TENM2: variants seen among roughly 807,000 people sequenced by gnomAD.
TENM2 encodes teneurin-2.
A neutral mutation model predicts 245.2 loss-of-function variants in TENM2; 52 were observed. That is an observed-to-expected ratio of 0.21 (90% CI 0.17 to 0.27). TENM2 has a LOEUF of 0.27. Among genes scored for constraint, TENM2 ranks in the 10% least tolerant of loss-of-function variants. The pLI, the probability that TENM2 is intolerant of heterozygous loss-of-function variation, is 1.00. For missense variants in TENM2, 3,046 were observed against 3,666.8 expected (o/e 0.83, Z 4.37); for synonymous variants, 1,363 against 1,438.9 (o/e 0.95, Z 1.19).
intron 2 of TENM2, among the ~76,000 whole-genome samples, chr5:167,506,948 T>C (rs1363024664): frequency 6.6e-6 from 1 of 152,220 alleles, no homozygotes; most frequent in Non-Finnish European, 1.5e-5. Flanking sequence ...GAAAGTTCCA[T>C]CTTCATTCAC....
chr5:167,619,374 C>T (rs1481868550), intron 2 of TENM2, among the ~76,000 whole-genome samples: 1 of 152,100 alleles, frequency 6.6e-6, no homozygotes, highest in Non-Finnish European at 1.5e-5. Flanking sequence ...CAGAGATTGG[C>T]ATTCTGACTC....
the TENM2 span, among the ~76,000 whole-genome samples, chr5:167,136,628 A>T: frequency 6.6e-6 from 1 of 152,020 alleles, no homozygotes; most frequent in Non-Finnish European, 1.5e-5. Context: ...TGCTTTTCTC[A>T]CTGTAATGTC....
intron 3 of TENM2, among the ~76,000 whole-genome samples, chr5:167,877,223 A>T (rs781118257): frequency 6.6e-6 from 1 of 152,160 alleles, no homozygotes; most frequent in African/African-American, 2.4e-5. Context: ...TTTAGGCTCC[A>T]TCCAGGAGTA....
At chr5:167,102,201 G>T in the TENM2 span, among the ~76,000 whole-genome samples, 1 of 150,360 alleles carries the variant, frequency 6.7e-6, no homozygotes, top group Non-Finnish European at 1.5e-5. Flanking sequence ...ACTCCAGCCT[G>T]GGCAACAGAG....
At chr5:167,631,783 C>G (rs1453712048) in intron 2 of TENM2, among the ~76,000 whole-genome samples, 1 of 152,126 alleles carries the variant, frequency 6.6e-6, no homozygotes, top group East Asian at 1.9e-4. Context: ...CCTGACCCCT[C>G]GACTCCCCAC....
At chr5:167,917,259 A>G (rs941406299) in intron 3 of TENM2, among the ~76,000 whole-genome samples, 1 of 152,130 alleles carries the variant, frequency 6.6e-6, no homozygotes, top group Non-Finnish European at 1.5e-5. Flanking sequence ...CGCAAATCCC[A>G]GTTCTAGCCC....
chr5:167,289,495 C>T (rs892997094), intron 1 of TENM2, among the ~76,000 whole-genome samples: 1 of 152,150 alleles, frequency 6.6e-6, no homozygotes, highest in Non-Finnish European at 1.5e-5. Context: ...TGAAAGTATG[C>T]TTGCATCAGT....
intron 4 of TENM2, among the ~76,000 whole-genome samples, chr5:167,982,642 C>T (rs1188095711): frequency 6.6e-6 from 1 of 152,124 alleles, no homozygotes; most frequent in Admixed American, 6.5e-5. Flanking sequence ...TCATGCAGCT[C>T]CTGGAGGAGT....
At chr5:167,690,754 T>C (rs917160654) in intron 2 of TENM2, among the ~76,000 whole-genome samples, 1 of 152,164 alleles carries the variant, frequency 6.6e-6, no homozygotes, top group Non-Finnish European at 1.5e-5. Flanking sequence ...CCTTGCAACT[T>C]AAGTGTCTTT....
chr5:167,219,753 A>G, the TENM2 span, among the ~76,000 whole-genome samples: 1 of 152,218 alleles, frequency 6.6e-6, no homozygotes, highest in Admixed American at 6.5e-5. Flanking sequence ...GCTATGAAAA[A>G]GCACTCCCTT....
chr5:167,103,537 C>A, the TENM2 span, among the ~76,000 whole-genome samples: 3 of 152,306 alleles, frequency 2.0e-5, no homozygotes, highest in East Asian at 5.8e-4. Flanking sequence ...CATTTCACAT[C>A]TGAATTATCG....
intron 13 of TENM2, among the ~76,000 whole-genome samples, chr5:168,189,046 T>C (rs543025791): frequency 1.3e-5 from 2 of 152,324 alleles, no homozygotes; most frequent in East Asian, 1.9e-4. Flanking sequence ...TGATTCTTGA[T>C]TGATAGACTG....
the TENM2 span, among the ~76,000 whole-genome samples, chr5:167,146,800 A>G: frequency 6.6e-6 from 1 of 152,182 alleles, no homozygotes; most frequent in African/African-American, 2.4e-5. Flanking sequence ...AGAACACTGA[A>G]AAGAAAGGAA....
chr5:167,369,346 A>C (rs2127293667), intron 1 of TENM2, among the ~76,000 whole-genome samples: 1 of 152,316 alleles, frequency 6.6e-6, no homozygotes, highest in South Asian at 2.1e-4. Context: ...CTGTCAAATC[A>C]GATTTTGAAG....
chr5:167,404,146 C>T (rs1304225045), intron 2 of TENM2, among the ~76,000 whole-genome samples: 2 of 151,922 alleles, frequency 1.3e-5, no homozygotes, highest in Non-Finnish European at 2.9e-5. Context: ...GCCATCTGTG[C>T]CTCTCCTCTT....
rs143105290 is a variant in TENM2, at chr5:167,498,190, C to T, written c.502+122717C>T. ...CTCTGTGTTTCTAGGATTACATTGT[C>T]GTCTGTGCCATCTGCTCTTCTTTTT... On this transcript the variant is annotated intron_variant, in intron 2 of 28. Transcript: ENST00000518659. Among the ~76,000 whole-genome samples the T allele has an allele frequency of 2.9e-4, 44 of 152,222 alleles. No individual in the cohort carries two copies. In the East Asian group the frequency reaches 8.3e-3, roughly 29 times the overall value.
chr5:168,176,578 C>T (rs867125590), intron 13 of TENM2, among the ~76,000 whole-genome samples: 3 of 152,162 alleles, frequency 2.0e-5, no homozygotes, highest in Non-Finnish European at 4.4e-5. Flanking sequence ...TCATCACTGT[C>T]CAGCCCTTTA....
At chr5:167,236,642 A>C in the TENM2 span, among the ~76,000 whole-genome samples, 5 of 152,216 alleles carry the variant, frequency 3.3e-5, no homozygotes, top group East Asian at 9.6e-4. Context: ...TGTGAACAAC[A>C]GGGAAGGCCG....
At chr5:167,535,766 A>G (rs930548784) in intron 2 of TENM2, among the ~76,000 whole-genome samples, 3 of 152,244 alleles carry the variant, frequency 2.0e-5, no homozygotes, top group African/African-American at 4.8e-5. Flanking sequence ...CACCAGAACT[A>G]TGAGAAATAA....
Sources: allele counts gnomAD v4.1 joint callset (sites outside exome capture counted in the v4.1 genomes callset), GRCh38; gene constraint gnomAD v4.1.1; transcripts MANE v1.5; gene names NCBI Gene and HGNC (gene_info 2026-07-23, HGNC 2026-07-21).